Variants in KHDRBS2 observed in about 807,000 individuals in gnomAD.
KHDRBS2 encodes KH RNA binding domain containing, signal transduction associated 2, also known as KH domain-containing, RNA-binding, signal transduction-associated protein 2.
Under a neutral mutation model 44.3 loss-of-function variants are expected in KHDRBS2, and 26 were observed. The ratio of observed to expected loss-of-function variants is 0.59; its 90% CI spans 0.43 to 0.81. The LOEUF is 0.81. Among genes scored for constraint, KHDRBS2 ranks in the 40% least tolerant of loss-of-function variants. The pLI is 0.00. For synonymous variants in KHDRBS2, 194 were observed against 151.1 expected (o/e 1.28, Z -2.08); for missense variants, 476 against 433.1 (o/e 1.10, Z -0.88).
In KHDRBS2 at chr6:61,978,149, A is replaced by G. The variant is rs750288250; in HGVS notation, c.400T>C (p.Leu134=). ...CCAGGTGGAGCAAACACTTCAATTA[A>G]TACATGAAGCTCATCACTCAAGTGG... ...YAHLSDELHV[L]IEVFAPPGEA... is the part of the protein sequence containing the mutation. The change falls in exon 4 of 9, where the codon TTA becomes CTA. Residue 134 remains leucine (L), a synonymous_variant. Coordinates refer to ENST00000281156, the MANE Select transcript of KHDRBS2 (RefSeq NM_152688.4). 1 of 1,611,424 alleles carries G rather than the reference A, an allele frequency of 6.2e-7. No homozygotes were observed. Among genetic ancestry groups the G allele is most frequent in the South Asian group, 1.1e-5 (1 of 90,868 alleles).
At chr6:61,970,498 T>G (rs73482884) in intron 4 of KHDRBS2, among the ~76,000 whole-genome samples, 6,819 of 152,110 alleles carry the variant, frequency 0.045, 538 homozygotes, top group African/African-American at 0.16. Context: ...AGAAGAAAGC[T>G]CACATGCAAC....
chr6:62,235,070 CTTTT>C (rs10570985), intron 1 of KHDRBS2, among the ~76,000 whole-genome samples: 4,624 of 106,902 alleles, frequency 0.043, 139 homozygotes, highest in African/African-American at 0.14. Context: ...TCCATTTAGG[CTTTT>C]TTTTTTTTTT....
the KHDRBS2 span, among the ~76,000 whole-genome samples, chr6:61,635,173 A>T: frequency 6.6e-6 from 1 of 152,040 alleles, no homozygotes; most frequent in Admixed American, 6.6e-5. Flanking sequence ...AACTAAATGT[A>T]GTCATCATTT....
chr6:62,179,933 A>G (rs538503596), intron 1 of KHDRBS2, among the ~76,000 whole-genome samples: 1 of 151,970 alleles, frequency 6.6e-6, no homozygotes, highest in African/African-American at 2.4e-5. Context: ...CATGACTAAT[A>G]GATCAATACT....
chr6:62,278,579 G>T (rs1841339040), intron 1 of KHDRBS2, among the ~76,000 whole-genome samples: 1 of 151,992 alleles, frequency 6.6e-6, no homozygotes, highest in Admixed American at 6.6e-5. Context: ...TCAATCAAAA[G>T]AAAATTTCAT....
chr6:62,160,169 T>C (rs1817327808), intron 2 of KHDRBS2, among the ~76,000 whole-genome samples: 1 of 152,062 alleles, frequency 6.6e-6, no homozygotes, highest in South Asian at 2.1e-4. Context: ...ACAAGACATT[T>C]TGCAACTTTA....
chr6:62,209,998 G>T (rs1310407701), intron 1 of KHDRBS2, among the ~76,000 whole-genome samples: 1 of 151,992 alleles, frequency 6.6e-6, no homozygotes, highest in Non-Finnish European at 1.5e-5. Context: ...GCCTATTGAG[G>T]TACTTCATCT....
At chr6:62,159,090 G>A (rs967875418) in intron 2 of KHDRBS2, among the ~76,000 whole-genome samples, 1 of 148,944 alleles carries the variant, frequency 6.7e-6, no homozygotes, top group Non-Finnish European at 1.5e-5. Flanking sequence ...TATTTAAAAT[G>A]ATGACATGGA....
the KHDRBS2 span, among the ~76,000 whole-genome samples, chr6:61,600,849 C>G: frequency 1.4e-4 from 22 of 152,304 alleles, no homozygotes; most frequent in East Asian, 3.9e-3. Flanking sequence ...TCCTTTCAAT[C>G]TTGGCAACAT....
chr6:61,712,450 G>T (rs1257125992), intron 7 of KHDRBS2, among the ~76,000 whole-genome samples: 1 of 151,844 alleles, frequency 6.6e-6, no homozygotes, highest in Non-Finnish European at 1.5e-5. Context: ...TGCAAATGGA[G>T]ATTACAAGGA....
At chr6:62,156,505 C>CTT (rs984776227) in intron 2 of KHDRBS2, among the ~76,000 whole-genome samples, 5 of 152,016 alleles carry the variant, frequency 3.3e-5, no homozygotes, top group East Asian at 1.9e-4. Context: ...AAAATAAAAA[C>CTT]TTTTAAGACT....
At chr6:61,550,890 T>A in the KHDRBS2 span, among the ~76,000 whole-genome samples, 276 of 150,852 alleles carry the variant, frequency 1.8e-3, 3 homozygotes, top group Non-Finnish European at 7.5e-4. Context: ...CTCCTCCTCA[T>A]CTTCCCAAGT....
intron 2 of KHDRBS2, among the ~76,000 whole-genome samples, chr6:62,100,740 C>T (rs544282642): frequency 6.6e-6 from 1 of 152,214 alleles, no homozygotes; most frequent in Non-Finnish European, 1.5e-5. Flanking sequence ...ATACTTTATA[C>T]TTAAATAGAC....
At chr6:61,777,288 T>C (rs974136959) in intron 6 of KHDRBS2, among the ~76,000 whole-genome samples, 2 of 152,052 alleles carry the variant, frequency 1.3e-5, no homozygotes, top group Non-Finnish European at 2.9e-5. Context: ...TAAAGTATAA[T>C]AATAATAAAA....
intron 4 of KHDRBS2, among the ~76,000 whole-genome samples, chr6:61,962,962 A>C (rs1351876113): frequency 3.3e-5 from 5 of 152,098 alleles, no homozygotes; most frequent in African/African-American, 1.2e-4. Flanking sequence ...TATGATTAAA[A>C]GGAAATGAGT....
At chr6:61,657,495 A>T in the KHDRBS2 span, among the ~76,000 whole-genome samples, 1 of 152,016 alleles carries the variant, frequency 6.6e-6, no homozygotes. Context: ...CTGGAAAGAC[A>T]TATGCAACAT....
chr6:61,609,110 C>A, the KHDRBS2 span, among the ~76,000 whole-genome samples: 1 of 152,150 alleles, frequency 6.6e-6, no homozygotes, highest in African/African-American at 2.4e-5. Flanking sequence ...GTAATCCCAG[C>A]ACTTTGGGAG....
chr6:62,278,374 T>A (rs1281308814), intron 1 of KHDRBS2, among the ~76,000 whole-genome samples: 5 of 152,226 alleles, frequency 3.3e-5, no homozygotes, highest in African/African-American at 1.2e-4. Context: ...CTATAGACTG[T>A]ATACATAAAG....
chr6:61,701,458 C>T lies in KHDRBS2; in HGVS notation c.894-4205G>A, dbSNP rs868667586. On this transcript the variant is annotated intron_variant, in intron 7 of 8. Transcript: ENST00000281156. The stretch of plus-strand genomic sequence containing the variant: ...CCTCACATCTTTCCATTGGACTTTG[C>T]TACCATATATGACCCCTAGAACAAT... Among the ~76,000 whole-genome samples the T allele has an allele frequency of 7.9e-5, 12 of 151,984 alleles. No homozygotes were observed. In the South Asian group the frequency reaches 2.5e-3, roughly 32 times the overall value.
Sources: gnomAD v4.1 joint callset for allele counts (sites outside exome capture counted in the v4.1 genomes callset) on GRCh38, gnomAD v4.1.1 for gene constraint, MANE v1.5 for transcripts, NCBI Gene and HGNC (gene_info 2026-07-23, HGNC 2026-07-21) for gene names.